The following VAV3 variants were observed in gnomAD, a reference collection of about 807,000 sequenced individuals.
VAV3 encodes vav guanine nucleotide exchange factor 3, also known as guanine nucleotide exchange factor VAV3.
A neutral mutation model predicts 131.2 loss-of-function variants in VAV3; 94 were observed. The ratio of observed to expected loss-of-function variants is 0.72; its 90% CI spans 0.61 to 0.85. The LOEUF is 0.85. Among genes scored for constraint, VAV3 ranks in the 40% least tolerant of loss-of-function variants. The pLI is 0.00. For synonymous variants in VAV3, 349 were observed against 342.0 expected (o/e 1.02, Z -0.22); for missense variants, 939 against 1,002.7 (o/e 0.94, Z 0.86).
intron 1 of VAV3, among the ~76,000 whole-genome samples, chr1:107,954,053 C>T (rs968017538): frequency 2.6e-5 from 4 of 152,128 alleles, no homozygotes; most frequent in Non-Finnish European, 5.9e-5. Context: ...ATGGTTCTAT[C>T]CACTAAATGC....
intron 25 of VAV3, among the ~76,000 whole-genome samples, chr1:107,585,367 T>TA (rs1220053147): frequency 1.2e-4 from 19 of 152,278 alleles, no homozygotes; most frequent in African/African-American, 4.6e-4. Flanking sequence ...ATGGTTTTTT[T>TA]TATTATAATA....
chr1:107,929,307 A>AAAAT (rs748783143), intron 1 of VAV3, among the ~76,000 whole-genome samples: 2 of 144,330 alleles, frequency 1.4e-5, no homozygotes, highest in South Asian at 2.2e-4. Flanking sequence ...AAAAAAAAAA[A>AAAAT]TTATGCCCTA....
rs1655442021 is a variant in VAV3, at chr1:107,642,742, C to A, written c.1791G>T (p.Met597Ile). ...TTCCAGAATAGTTCCTAATGACCTG[C>A]ATCTTTGGTAAACCTGAAAATAAGC... is the stretch of plus-strand genomic sequence containing the variant. ...PKQVDPGLPK[M>I]QVIRNYSGTP... is the part of the protein sequence containing the mutation. Residue 597 changes from methionine to isoleucine, a missense_variant, in exon 20 of 27, where the codon ATG becomes ATT. By Grantham distance (10) the Met-to-Ile change is conservative. Coordinates refer to ENST00000370056, the MANE Select transcript of VAV3 (RefSeq NM_006113.5). 1.9e-6 allele frequency: 3 copies of A among 1,613,258 alleles called. No homozygotes were observed. The highest frequency in any genetic ancestry group is 2.5e-6 in the Non-Finnish European group (3 of 1,179,530).
At chr1:107,585,094 T>C (rs1012198482) in intron 25 of VAV3, among the ~76,000 whole-genome samples, 1 of 152,188 alleles carries the variant, frequency 6.6e-6, no homozygotes, top group African/African-American at 2.4e-5. Flanking sequence ...GATTAGACTT[T>C]AGGCTCTATT....
chr1:107,773,497 C>T (rs970244485), intron 4 of VAV3, among the ~76,000 whole-genome samples: 3 of 152,150 alleles, frequency 2.0e-5, no homozygotes, highest in African/African-American at 7.2e-5. Context: ...GGAAACCCAC[C>T]AGTCCCCCAT....
intron 2 of VAV3, among the ~76,000 whole-genome samples, chr1:107,837,466 G>A (rs1668525638): frequency 1.3e-5 from 2 of 152,106 alleles, no homozygotes; most frequent in Non-Finnish European, 2.9e-5. Context: ...ACTGTCCAAA[G>A]CAATTTACAG....
chr1:107,757,187 G>GTGTGTGTA (rs869175769), intron 11 of VAV3, 74 bp downstream of exon 11: 16 of 814,522 alleles, frequency 2.0e-5, no homozygotes, highest in African/African-American at 1.2e-4. Context: ...GTGTGTGTGT[G>GTGTGTGTA]TATGCAATTT....
chr1:107,669,532 G>A, intron 19 of VAV3: 2 of 1,261,630 alleles, frequency 1.6e-6, no homozygotes, highest in Non-Finnish European at 2.0e-6. Flanking sequence ...TTTCACCATG[G>A]ATCCATTCCT....
chr1:107,763,120 G>T (rs1003716784), intron 9 of VAV3, among the ~76,000 whole-genome samples: 3 of 152,144 alleles, frequency 2.0e-5, no homozygotes, highest in Non-Finnish European at 2.9e-5. Context: ...TGGGGCTTGC[G>T]GCACGCAGCT....
intron 1 of VAV3, among the ~76,000 whole-genome samples, chr1:107,878,045 T>G (rs989013471): frequency 1.3e-5 from 2 of 151,650 alleles, no homozygotes; most frequent in African/African-American, 4.8e-5. Flanking sequence ...TTATTTTATT[T>G]TTTTGAATTT....
At chr1:107,662,338 C>T (rs1657081721) in intron 19 of VAV3, among the ~76,000 whole-genome samples, 1 of 151,894 alleles carries the variant, frequency 6.6e-6, no homozygotes, top group African/African-American at 2.4e-5. Context: ...AAAAAACATG[C>T]ACAAAAGAAT....
At chr1:107,637,636 T>A (rs940530097) in intron 20 of VAV3, among the ~76,000 whole-genome samples, 1 of 152,030 alleles carries the variant, frequency 6.6e-6, no homozygotes, top group African/African-American at 2.4e-5. Context: ...CGTCTCAAAA[T>A]AAACAAACAA....
At chr1:107,827,686 C>G (rs910567778) in intron 2 of VAV3, among the ~76,000 whole-genome samples, 1 of 152,144 alleles carries the variant, frequency 6.6e-6, no homozygotes, top group African/African-American at 2.4e-5. Context: ...TCAAACATAT[C>G]TGAAGTTCCT....
rs774766803 is a variant in VAV3, at chr1:107,779,418, C to T, written c.380+16G>A. ...TGAACTCAATGGGACACATGAACAA[C>T]GAAAACAGAGCTTACCTGATTCCTG... On this transcript the variant is annotated intron_variant, in intron 3 of 26. Coordinates refer to ENST00000370056, the MANE Select transcript of VAV3 (RefSeq NM_006113.5). The T allele has an allele frequency of 1.8e-5, 29 of 1,569,656 alleles. No homozygotes were observed. The African/African-American group carries it at 2.2e-4, about 12-fold the overall frequency.
At chr1:107,790,885 A>G (rs1666257321) in intron 2 of VAV3, among the ~76,000 whole-genome samples, 1 of 151,700 alleles carries the variant, frequency 6.6e-6, no homozygotes, top group Non-Finnish European at 1.5e-5. Context: ...ACGGGGTTTC[A>G]CCATGTTGGT....
chr1:107,734,818 G>A (rs1240405409), intron 15 of VAV3, among the ~76,000 whole-genome samples: 1 of 152,092 alleles, frequency 6.6e-6, no homozygotes, highest in Non-Finnish European at 1.5e-5. Context: ...GGTTAACAAG[G>A]ATATCCAGGA....
intron 2 of VAV3, among the ~76,000 whole-genome samples, chr1:107,821,756 G>A (rs1667801518): frequency 6.6e-6 from 1 of 152,206 alleles, no homozygotes; most frequent in Admixed American, 6.5e-5. Flanking sequence ...TAGATTGCAG[G>A]AAGGCAAGAG....
intron 1 of VAV3, among the ~76,000 whole-genome samples, chr1:107,884,870 G>A (rs752725484): frequency 1.8e-4 from 27 of 152,170 alleles, no homozygotes; most frequent in South Asian, 4.2e-4. Context: ...ATTTCTTTCT[G>A]CACACATGAT....
intron 1 of VAV3, among the ~76,000 whole-genome samples, chr1:107,956,707 T>C (rs2101378139): frequency 6.6e-6 from 1 of 152,222 alleles, no homozygotes; most frequent in East Asian, 1.9e-4. Flanking sequence ...TAAAGAAATA[T>C]AATCAGATGA....
Sources: gnomAD v4.1 joint callset for allele counts (sites outside exome capture counted in the v4.1 genomes callset) on GRCh38, gnomAD v4.1.1 for gene constraint, MANE v1.5 for transcripts, NCBI Gene and HGNC (gene_info 2026-07-23, HGNC 2026-07-21) for gene names.